UBP1: variants seen among roughly 807,000 people sequenced by gnomAD.
The protein encoded by UBP1 is upstream binding protein 1.
UBP1 carries 22 observed loss-of-function variants against 76.1 expected under a neutral mutation model. The ratio of observed to expected loss-of-function variants is 0.29; its 90% confidence interval spans 0.21 to 0.41. The LOEUF (loss-of-function observed/expected upper bound fraction) is 0.41, where lower values mean the gene tolerates loss of function less well. Ranked by LOEUF, UBP1 falls within the 10% of genes least tolerant of loss-of-function variation. The pLI, the probability that UBP1 is intolerant of heterozygous loss-of-function variation, is 1.00. For missense variants in UBP1, 436 were observed against 668.1 expected (o/e 0.65, Z 3.83); for synonymous variants, 224 against 237.1 (o/e 0.94, Z 0.51).
chr3:33,394,307 A>G (rs2043882750), intron 13 of UBP1, among the ~76,000 whole-genome samples: 1 of 151,862 alleles, frequency 6.6e-6, no homozygotes, highest in Non-Finnish European at 1.5e-5. Context: ...AGGCCTCCCA[A>G]AGTGCTGGGA....
rs373414645 is a variant in UBP1, at chr3:33,411,596, G to A, written c.540C>T (p.Thr180=). The A allele has an allele frequency of 6.2e-7, 1 of 1,614,072 alleles. No individual in the cohort carries two copies. Among genetic ancestry groups the A allele is most frequent in the Non-Finnish European group, 8.5e-7 (1 of 1,179,966 alleles). The change falls in exon 5 of 16, where the codon ACC becomes ACT. Residue 180 remains threonine (T), a synonymous_variant. Coordinates refer to ENST00000283629, the MANE Select transcript of UBP1 (RefSeq NM_014517.5). ...VEFLWDPAKR[T]SAFIQVHCIS... is the part of the protein sequence containing the mutation. The stretch of plus-strand genomic sequence containing the variant: ...AAATCCAAACCTGAATGAAAGCAGA[G>A]GTGCGTTTTGCTGGGTCCCACAGAA...
At chr3:33,422,252 C>T (rs374020886) in intron 2 of UBP1, among the ~76,000 whole-genome samples, 9 of 152,052 alleles carry the variant, frequency 5.9e-5, no homozygotes, top group East Asian at 1.9e-4. Flanking sequence ...GCTATGAATC[C>T]TCTCATTAGA....
At chr3:33,413,557 A>C (rs925194517) in intron 3 of UBP1, among the ~76,000 whole-genome samples, 6 of 151,850 alleles carry the variant, frequency 4.0e-5, no homozygotes, top group Admixed American at 2.0e-4. Flanking sequence ...AAAAAAAAAA[A>C]AAAAAAAACT....
chr3:33,390,515 C>T, intron 15 of UBP1, 147 bp from the exon 16 acceptor site: 1 of 785,572 alleles, frequency 1.3e-6, no homozygotes, highest in East Asian at 2.7e-5. Context: ...GATTAACTTG[C>T]TCTAGCTCCT....
chr3:33,394,027 A>AT (rs143219786), intron 13 of UBP1, among the ~76,000 whole-genome samples: 12,279 of 151,768 alleles, frequency 0.081, 548 homozygotes, highest in Admixed American at 0.098. Context: ...CTTTTTGTTT[A>AT]TTTTTTTAAG....
At chr3:33,412,601 A>C in intron 4 of UBP1, 121 bp downstream of exon 4, 6 of 666,370 alleles carry the variant, frequency 9.0e-6, no homozygotes, top group Non-Finnish European at 1.3e-5. Context: ...AAAAAAAGAC[A>C]CAAAATCCAC....
At chr3:33,411,779 G>GT (rs1254724151) in intron 4 of UBP1, 92 bp from the exon 5 acceptor site, 7 of 1,029,252 alleles carry the variant, frequency 6.8e-6, no homozygotes, top group Non-Finnish European at 7.4e-6. Context: ...TGAAATAACT[G>GT]TAACTGCTTT....
chr3:33,435,515 T>C lies in UBP1; in HGVS notation c.113+4221A>G, dbSNP rs188154546. Among the ~76,000 whole-genome samples, 6 of 152,322 alleles carry C rather than the reference T, an allele frequency of 3.9e-5. No individual in the cohort carries two copies. The East Asian group carries it at 1.2e-3, about 29-fold the overall frequency. The stretch of plus-strand genomic sequence containing the variant: ...ATTAGCCAGGCATGGTGGCACTGCC[T>C]GTAGTTCCAGCTACTCTGTGGCTCA... On this transcript the variant is annotated intron_variant, in intron 1 of 15. Transcript: ENST00000283629.
rs368779431 is a variant in UBP1, at chr3:33,396,378, T to C, written c.1272-98A>G. Reference sequence around the variant, plus strand: ...CAGGAATCTAAGTTCTATTTCCTTATGAGAACTTTATAATGTTATTTCGTT... The same window carrying C: ...CAGGAATCTAAGTTCTATTTCCTTACGAGAACTTTATAATGTTATTTCGTT... On this transcript the variant is annotated intron_variant, in intron 12 of 15. Transcript: ENST00000283629. 1.8e-5 allele frequency: 16 copies of C among 892,648 alleles called. No homozygotes were observed. In the African/African-American group the frequency reaches 1.8e-4, roughly 10 times the overall value. 55.3% of individuals were successfully genotyped at this position (892,648 alleles called of 1,614,324 possible).
intron 1 of UBP1, among the ~76,000 whole-genome samples, chr3:33,437,913 T>TA (rs2045228241): frequency 6.6e-6 from 1 of 152,160 alleles, no homozygotes. Context: ...TCTCATCTCT[T>TA]AGTTTTTGAG....
At chr3:33,422,538 G>C (rs1201986848) in intron 2 of UBP1, among the ~76,000 whole-genome samples, 1 of 152,074 alleles carries the variant, frequency 6.6e-6, no homozygotes, top group Non-Finnish European at 1.5e-5. Flanking sequence ...GCAATGAATA[G>C]TGAGATCCGC....
chr3:33,408,335 A>ATTGT (rs1487545708), intron 8 of UBP1, among the ~76,000 whole-genome samples: 3 of 152,186 alleles, frequency 2.0e-5, no homozygotes, highest in Non-Finnish European at 4.4e-5. Context: ...TACTAAAGAA[A>ATTGT]GTATTTTCAA....
intron 1 of UBP1, 99 bp downstream of exon 1, chr3:33,439,637 C>A (rs2045258118): frequency 7.4e-7 from 1 of 1,345,246 alleles, no homozygotes; most frequent in Non-Finnish European, 1.0e-6. Context: ...CCAGGAGGCC[C>A]GCGCACCTCT....
chr3:33,400,836 C>T (rs940489375), intron 10 of UBP1, 126 bp downstream of exon 10: 10 of 889,764 alleles, frequency 1.1e-5, no homozygotes, highest in African/African-American at 1.1e-4. Flanking sequence ...TATCCTGACT[C>T]GATTACCACA....
rs772833111 is a variant in UBP1 at position 33,397,154 on chromosome 3, A to AT, written c.1181-20dup. 1 of 1,548,668 alleles carries AT rather than the reference A, an allele frequency of 6.5e-7. No homozygotes were observed. Reference sequence around the variant, plus strand: ...TCGGCACCTAGAGAAGAGCAAAAATATTTTTCTCAAATAAATGGAAAAAGA... The same window carrying AT: ...TCGGCACCTAGAGAAGAGCAAAAATATTTTTTCTCAAATAAATGGAAAAAGA... On this transcript the variant is annotated intron_variant, in intron 11 of 15. Coordinates refer to ENST00000283629, the MANE Select transcript of UBP1 (RefSeq NM_014517.5).
chr3:33,390,208 TGTG>T lies in UBP1; in HGVS notation c.*120_*122del. 1.0e-6 allele frequency: 1 copy of T among 973,852 alleles called. No homozygotes were observed. The highest frequency in any genetic ancestry group is 1.6e-6 in the Non-Finnish European group (1 of 643,708). The allele number at this position is 973,852 out of a possible 1,614,324, so 60.3% of individuals were successfully genotyped here. A position where few individuals can be genotyped will look rare whatever the true frequency, so the allele number is the denominator to read the frequency against. ...ATACAGCTCATTAGAAAGGTCATCT[TGTG>T]TTTTCAATATGAAACATTTCATATG... On this transcript the variant is annotated 3_prime_UTR_variant, in exon 16 of 16. Transcript: ENST00000283629.
intron 9 of UBP1, 82 bp downstream of exon 9, chr3:33,402,719 G>C: frequency 3.0e-6 from 3 of 1,000,256 alleles, no homozygotes; most frequent in Non-Finnish European, 4.2e-6. Flanking sequence ...CAAACAAAAG[G>C]CTGCTGTACA....
Position 33,439,789 on chromosome 3 carries a change from G to A in UBP1, c.60C>T (p.Asp20=), listed in dbSNP as rs558391683. 5 of 1,612,748 alleles carry A rather than the reference G, an allele frequency of 3.1e-6. No individual in the cohort carries two copies. Among genetic ancestry groups the A allele is most frequent in the East Asian group, 4.5e-5 (2 of 44,836 alleles). The part of the protein sequence containing the change: ...VIESGLVHDF[D]ASLSGIGQEL... ...CCTGCCCGATGCCCGAGAGGCTGGC[G>A]TCGAAGTCGTGCACCAGCCCGGACT... Residue 20 remains aspartate, a synonymous_variant, in exon 1 of 16, where the codon GAC becomes GAT. Coordinates refer to ENST00000283629, the MANE Select transcript of UBP1 (RefSeq NM_014517.5).
At chr3:33,435,531 C>T (rs1325237737) in intron 1 of UBP1, among the ~76,000 whole-genome samples, 1 of 152,146 alleles carries the variant, frequency 6.6e-6, no homozygotes, top group Non-Finnish European at 1.5e-5. Context: ...TCCAGCTACT[C>T]TGTGGCTCAG....
Sources: gnomAD v4.1 joint callset for allele counts (sites outside exome capture counted in the v4.1 genomes callset) on GRCh38, gnomAD v4.1.1 for gene constraint, MANE v1.5 for transcripts, NCBI Gene and HGNC (gene_info 2026-07-23, HGNC 2026-07-21) for gene names.